REPS1: variants seen among roughly 807,000 people sequenced by gnomAD.
The protein encoded by REPS1 is RALBP1 associated Eps domain containing 1.
Under a neutral mutation model 100.9 loss-of-function variants are expected in REPS1, and 39 were observed. The observed-to-expected ratio is 0.39, with a 90% CI of 0.30 to 0.50. The LOEUF is 0.50. Among genes scored for constraint, REPS1 ranks in the 20% least tolerant of loss-of-function variants. The probability of loss-of-function intolerance (pLI) is 0.86; values close to 1 mark genes in which losing one functional copy is unlikely to be tolerated. For synonymous variants in REPS1, 324 were observed against 340.3 expected, an observed-to-expected ratio of 0.95 and a Z score of 0.53; for missense variants, 821 against 968.5, an observed-to-expected ratio of 0.85 and a Z score of 2.02.
At chr6:138,945,773 T>C (rs1782573539) in intron 2 of REPS1, 76 bp from the exon 3 acceptor site, 1 of 1,185,146 alleles carries the variant, frequency 8.4e-7, no homozygotes, top group South Asian at 2.0e-5. Flanking sequence ...AGACATGAAT[T>C]AGATATTAGA....
chr6:138,920,384 G>T, intron 11 of REPS1, 68 bp from the exon 12 acceptor site: 1 of 771,468 alleles, frequency 1.3e-6, no homozygotes, highest in South Asian at 1.7e-5. Flanking sequence ...ATAAAGCTCA[G>T]AGTGTAAGAC....
At chr6:138,917,322 G>T (rs1286810559) in intron 13 of REPS1, among the ~76,000 whole-genome samples, 1 of 152,176 alleles carries the variant, frequency 6.6e-6, no homozygotes, top group Non-Finnish European at 1.5e-5. Context: ...CTATCGTCAA[G>T]AAGTTATCAC....
At chr6:138,907,844 G>A (rs1409239310) in intron 18 of REPS1, among the ~76,000 whole-genome samples, 1 of 151,640 alleles carries the variant, frequency 6.6e-6, no homozygotes, top group Non-Finnish European at 1.5e-5. Context: ...CTGAATTTAA[G>A]TAAAAGAGTC....
chr6:138,948,528 A>G (rs1782786208), intron 1 of REPS1, among the ~76,000 whole-genome samples: 1 of 152,190 alleles, frequency 6.6e-6, no homozygotes, highest in Non-Finnish European at 1.5e-5. Context: ...GAAAGTGTTC[A>G]AGGATCTACA....
rs770387672 is a variant in REPS1, at chr6:138,904,894, G to A, written c.*170C>T. ...ACGCCATCCTGACCTTTTTATTGTC[G>A]AAATTAAAAAATAAAAGATACTTAA... On this transcript the variant is annotated 3_prime_UTR_variant, in exon 20 of 20. Coordinates refer to ENST00000450536, the MANE Select transcript of REPS1 (RefSeq NM_001286611.2). 11 of 525,260 alleles carry A rather than the reference G, an allele frequency of 2.1e-5. No individual in the cohort carries two copies. Among genetic ancestry groups the A allele is most frequent in the Non-Finnish European group, 3.4e-5 (10 of 293,890 alleles). 32.5% of individuals were successfully genotyped at this position (525,260 alleles called of 1,614,324 possible). A position where few individuals can be genotyped will look rare whatever the true frequency, so the allele number is the denominator to read the frequency against.
At chr6:138,912,709 A>C in intron 16 of REPS1, 56 bp downstream of exon 16, 2 of 1,520,716 alleles carry the variant, frequency 1.3e-6, no homozygotes, top group Non-Finnish European at 1.8e-6. Flanking sequence ...TGTTGACACA[A>C]CATGGTATGG....
At chr6:138,917,769 G>A (rs1780500508) in intron 12 of REPS1, 142 bp from the exon 13 acceptor site, 1 of 594,522 alleles carries the variant, frequency 1.7e-6, no homozygotes. Context: ...TCATCCTAGT[G>A]TTATTAACTG....
chr6:138,940,012 T>G (rs373682823), intron 8 of REPS1, among the ~76,000 whole-genome samples: 1 of 152,190 alleles, frequency 6.6e-6, no homozygotes, highest in African/African-American at 2.4e-5. Context: ...AATCCACATT[T>G]CAGGTGGAGA....
chr6:138,969,533 T>C (rs896500258), intron 1 of REPS1, among the ~76,000 whole-genome samples: 1 of 150,214 alleles, frequency 6.7e-6, no homozygotes, highest in Middle Eastern at 3.2e-3. Context: ...AAGTGATCCA[T>C]CTGCCTCGGC....
chr6:138,922,873 G>C (rs1254799108), intron 10 of REPS1, among the ~76,000 whole-genome samples: 1 of 152,222 alleles, frequency 6.6e-6, no homozygotes, highest in Admixed American at 6.5e-5. Context: ...GCCCTTGCTA[G>C]AGAAAGCGAA....
At chr6:138,949,345 T>C (rs2128480959) in intron 1 of REPS1, among the ~76,000 whole-genome samples, 1 of 152,352 alleles carries the variant, frequency 6.6e-6, no homozygotes, top group African/African-American at 2.4e-5. Flanking sequence ...TTTATATTTG[T>C]TAGCCATTTG....
chr6:138,915,603 T>C (rs1780312193), intron 14 of REPS1, among the ~76,000 whole-genome samples: 2 of 151,770 alleles, frequency 1.3e-5, no homozygotes, highest in African/African-American at 4.8e-5. Context: ...CAGACATGCA[T>C]CACTACATCC....
intron 18 of REPS1, among the ~76,000 whole-genome samples, chr6:138,908,225 A>AC (rs71270362): frequency 0.14 from 21,812 of 152,148 alleles, 1,847 homozygotes; most frequent in South Asian, 0.35. Flanking sequence ...AAGAATACCT[A>AC]CCCGTACATG....
chr6:138,911,591 C>A lies in REPS1; in HGVS notation c.1972-220G>T, dbSNP rs759197578. Among the ~76,000 whole-genome samples the A allele has an allele frequency of 6.1e-4, 92 of 151,040 alleles. 1 individual carries two copies. Among genetic ancestry groups the A allele is most frequent in the Non-Finnish European group, 1.5e-4 (10 of 67,766 alleles). On this transcript the variant is annotated intron_variant, in intron 16 of 19. Coordinates refer to ENST00000450536, the MANE Select transcript of REPS1 (RefSeq NM_001286611.2). ...ATGTGTGAGGGAGAGGAGGACAGGG[C>A]AAGGATGCAGCTATGTAACAGATGT... is the stretch of plus-strand genomic sequence containing the variant.
At chr6:138,918,360 A>C (rs1012819903) in intron 12 of REPS1, among the ~76,000 whole-genome samples, 1 of 152,234 alleles carries the variant, frequency 6.6e-6, no homozygotes, top group East Asian at 1.9e-4. Context: ...ACCATTCTAC[A>C]TATCAGAGAG....
In REPS1 at chr6:138,947,782, A is replaced by G. The variant is rs201100278; in HGVS notation, c.277+8T>C. 646 of 1,588,060 alleles carry G rather than the reference A, an allele frequency of 4.1e-4. 1 individual carries two copies. The highest frequency in any genetic ancestry group is 1.2e-3 in the Middle Eastern group (7 of 5,950). On this transcript the variant is annotated splice_region_variant and intron_variant, in intron 2 of 19. Coordinates refer to ENST00000450536, the MANE Select transcript of REPS1 (RefSeq NM_001286611.2). ...TTTCTTTCGGTTACTAGTGTACTCT[A>G]TATTTACCTGTATTTATACTTTCCA... is the stretch of plus-strand genomic sequence containing the variant.
intron 8 of REPS1, among the ~76,000 whole-genome samples, chr6:138,931,016 G>A (rs1050183992): frequency 3.9e-5 from 6 of 152,030 alleles, no homozygotes; most frequent in African/African-American, 1.4e-4. Context: ...CTCTCATTCC[G>A]ATTCTTCCAA....
chr6:138,954,156 C>T (rs1783226445), intron 1 of REPS1, among the ~76,000 whole-genome samples: 1 of 150,226 alleles, frequency 6.7e-6, no homozygotes, highest in Admixed American at 6.6e-5. Flanking sequence ...AAAAGGAGAA[C>T]AGAGTATACC....
rs781252506 is a variant in REPS1 at position 138,912,750 on chromosome 6, C to A, written c.1971+15G>T. Reference sequence around the variant, plus strand: ...GACTGCCTGCAGAAAATTAGCCAAGCCCTCGAAAACTGACCGGCAGGACTT... The same window carrying A: ...GACTGCCTGCAGAAAATTAGCCAAGACCTCGAAAACTGACCGGCAGGACTT... On this transcript the variant is annotated intron_variant, in intron 16 of 19. Transcript: ENST00000450536. 2.5e-6 allele frequency: 4 copies of A among 1,613,876 alleles called. No homozygotes were observed. In the East Asian group the frequency reaches 6.7e-5, roughly 27 times the overall value.
Sources: gnomAD v4.1 joint callset for allele counts (sites outside exome capture counted in the v4.1 genomes callset) on GRCh38, gnomAD v4.1.1 for gene constraint, MANE v1.5 for transcripts, NCBI Gene and HGNC (gene_info 2026-07-23, HGNC 2026-07-21) for gene names.